Variants in ELK3 observed in about 807,000 individuals in gnomAD.
ELK3 encodes ETS domain-containing protein Elk-3.
ELK3 carries 10 observed loss-of-function variants against 28.9 expected under a neutral mutation model. The ratio of observed to expected loss-of-function variants is 0.35; its 90% confidence interval spans 0.21 to 0.59. The LOEUF (loss-of-function observed/expected upper bound fraction) is 0.59. Ranked by LOEUF, ELK3 falls within the 20% of genes least tolerant of loss-of-function variation. ELK3 has a pLI of 0.82. For synonymous variants in ELK3, 272 were observed against 243.5 expected (o/e 1.12, Z -1.09); for missense variants, 463 against 517.3 (o/e 0.90, Z 1.02).
chr12:96,263,482 TAA>T (rs1199402058), intron 4 of ELK3, among the ~76,000 whole-genome samples: 1 of 152,234 alleles, frequency 6.6e-6, no homozygotes, highest in African/African-American at 2.4e-5. Context: ...TAGAGCTAAT[TAA>T]GTTTTCAATT....
chr12:96,225,913 A>G (rs1951695876), intron 2 of ELK3, among the ~76,000 whole-genome samples: 1 of 152,168 alleles, frequency 6.6e-6, no homozygotes, highest in Non-Finnish European at 1.5e-5. Flanking sequence ...CAGGAGGATC[A>G]CTTGAGTCCA....
intron 2 of ELK3, among the ~76,000 whole-genome samples, chr12:96,228,970 A>G (rs897269432): frequency 1.3e-5 from 2 of 152,234 alleles, no homozygotes; most frequent in African/African-American, 4.8e-5. Context: ...TCCTCATTCC[A>G]GTTATGTGTA....
chr12:96,219,510 A>C (rs997986255), intron 1 of ELK3, among the ~76,000 whole-genome samples: 4 of 152,140 alleles, frequency 2.6e-5, no homozygotes, highest in Non-Finnish European at 4.4e-5. Flanking sequence ...TAGTTGTGTA[A>C]ATTATGAAAC....
In ELK3 at chr12:96,194,614, C is replaced by A. The variant is rs1229767990; in HGVS notation, c.-94C>A. The A allele has an allele frequency of 6.7e-6, 1 of 150,156 alleles. No individual in the cohort carries two copies. Among genetic ancestry groups the A allele is most frequent in the African/African-American group, 2.4e-5 (1 of 41,176 alleles). 9.3% of individuals were successfully genotyped at this position (150,156 alleles called of 1,614,324 possible). ...AGGATCTCATTACAAGAGCCACAGA[C>A]CGTCTGCAGACGCCTGTCAGCATGG... On this transcript the variant is annotated 5_prime_UTR_variant, in exon 1 of 5. Coordinates refer to ENST00000228741, the MANE Select transcript of ELK3 (RefSeq NM_005230.4).
chr12:96,227,320 G>A (rs1951709753), intron 2 of ELK3, among the ~76,000 whole-genome samples: 1 of 151,912 alleles, frequency 6.6e-6, no homozygotes, highest in African/African-American at 2.4e-5. Context: ...TGCTGAACTC[G>A]GCAGCTGCGT....
At chr12:96,214,455 C>A (rs1185726081) in intron 1 of ELK3, among the ~76,000 whole-genome samples, 77 of 139,408 alleles carry the variant, frequency 5.5e-4, no homozygotes, top group Non-Finnish European at 9.4e-4. Flanking sequence ...AACAAACAAA[C>A]AAAAAAAAAA....
chr12:96,201,744 C>G (rs7967616), intron 1 of ELK3, among the ~76,000 whole-genome samples: 2,946 of 152,248 alleles, frequency 0.019, 104 homozygotes, highest in African/African-American at 0.067. Context: ...CTCCAGACAT[C>G]TGACTTATAG....
At chr12:96,253,256 C>T (rs1478128102) in intron 3 of ELK3, among the ~76,000 whole-genome samples, 1 of 152,146 alleles carries the variant, frequency 6.6e-6, no homozygotes, top group Non-Finnish European at 1.5e-5. Context: ...GCGAAACTCG[C>T]ATCTCACCAA....
At chr12:96,195,018 G>GC (rs1200310539) in intron 1 of ELK3, among the ~76,000 whole-genome samples, 1 of 151,808 alleles carries the variant, frequency 6.6e-6, no homozygotes, top group Non-Finnish European at 1.5e-5. Flanking sequence ...AGAGGAAGGG[G>GC]CGCCGGGCGT....
intron 4 of ELK3, 55 bp downstream of exon 4, chr12:96,259,908 C>T: frequency 1.3e-6 from 2 of 1,523,084 alleles, no homozygotes; most frequent in Non-Finnish European, 8.8e-7. Flanking sequence ...ATGGTTTTTT[C>T]TCTAAATCCT....
intron 3 of ELK3, among the ~76,000 whole-genome samples, chr12:96,249,597 T>C (rs1951887998): frequency 6.6e-6 from 1 of 151,838 alleles, no homozygotes; most frequent in African/African-American, 2.4e-5. Context: ...CCTGGCCTCC[T>C]GTGTGTTTAC....
intron 1 of ELK3, among the ~76,000 whole-genome samples, chr12:96,209,253 T>C (rs1021076885): frequency 1.3e-5 from 2 of 148,964 alleles, no homozygotes; most frequent in African/African-American, 2.5e-5. Context: ...TTTATCTTGC[T>C]TTTTTTTTTG....
At chr12:96,240,615 A>AG (rs557241671) in intron 2 of ELK3, among the ~76,000 whole-genome samples, 207 of 152,298 alleles carry the variant, frequency 1.4e-3, no homozygotes, top group African/African-American at 4.5e-3. Flanking sequence ...TACCCAGTGC[A>AG]GGGGTTAAGA....
intron 2 of ELK3, among the ~76,000 whole-genome samples, chr12:96,237,309 G>A (rs1005530343): frequency 1.4e-4 from 21 of 152,282 alleles, no homozygotes; most frequent in African/African-American, 4.8e-4. Context: ...GGCGGCTCAC[G>A]CTTGTCATCC....
In ELK3 at chr12:96,269,107, A is replaced by G. The variant is rs539444268; in HGVS notation, c.*1927A>G. The G allele has an allele frequency of 9.8e-5, 15 of 152,340 alleles. No homozygotes were observed. Among genetic ancestry groups the G allele is most frequent in the African/African-American group, 3.6e-4 (15 of 41,572 alleles). 9.4% of individuals were successfully genotyped at this position (152,340 alleles called of 1,614,324 possible). On this transcript the variant is annotated 3_prime_UTR_variant, in exon 5 of 5. Coordinates refer to ENST00000228741, the MANE Select transcript of ELK3 (RefSeq NM_005230.4). ...GCACAGCAGAAGCTGGGAGTTGCCT[A>G]TGGCTGCACAGCTCACTGAAGGTAG...
chr12:96,236,882 C>T (rs765147955), intron 2 of ELK3, among the ~76,000 whole-genome samples: 10 of 152,310 alleles, frequency 6.6e-5, no homozygotes, highest in South Asian at 2.1e-4. Context: ...TGCAGGGCCC[C>T]GCTCCCTCTG....
chr12:96,258,739 A>G (rs1221759547), intron 3 of ELK3, among the ~76,000 whole-genome samples: 1 of 151,892 alleles, frequency 6.6e-6, no homozygotes, highest in Non-Finnish European at 1.5e-5. Flanking sequence ...GCAGGCCAGG[A>G]CTCCTGCTGT....
intron 1 of ELK3, among the ~76,000 whole-genome samples, chr12:96,206,459 G>A (rs1448022726): frequency 6.6e-6 from 1 of 152,048 alleles, no homozygotes; most frequent in Non-Finnish European, 1.5e-5. Flanking sequence ...TGGAACTATA[G>A]GTGTGCGCCA....
chr12:96,259,554 GAAAATT>G (rs1197991858), intron 3 of ELK3, among the ~76,000 whole-genome samples, 171 bp from the exon 4 acceptor site: 1 of 152,096 alleles, frequency 6.6e-6, no homozygotes, highest in South Asian at 2.1e-4. Flanking sequence ...CAAAAGAAAA[GAAAATT>G]AAAATTAAAC....
Sources: gnomAD v4.1 joint callset for allele counts (sites outside exome capture counted in the v4.1 genomes callset) on GRCh38, gnomAD v4.1.1 for gene constraint, MANE v1.5 for transcripts, NCBI Gene and HGNC (gene_info 2026-07-23, HGNC 2026-07-21) for gene names.